Variants in ABCB5 observed in about 807,000 individuals in gnomAD.
The protein encoded by ABCB5 is ATP-binding cassette sub-family B member 5.
Under a neutral mutation model 144.2 loss-of-function variants are expected in ABCB5, and 155 were observed. The ratio of observed to expected loss-of-function variants is 1.08; its 90% CI spans 0.94 to 1.23. The LOEUF is 1.23. Ranked by LOEUF, ABCB5 falls within the 50% of genes most tolerant of loss-of-function variation. The probability of loss-of-function intolerance (pLI) is 0.00; values close to 1 mark genes in which losing one functional copy is unlikely to be tolerated. For missense variants in ABCB5, 1,830 were observed against 1,520.8 expected, an observed-to-expected ratio of 1.20 and a Z score of -3.38; for synonymous variants, 610 against 528.6, an observed-to-expected ratio of 1.15 and a Z score of -2.11.
Position 20,659,039 on chromosome 7 carries a change from T to C in ABCB5, c.1707+363T>C, listed in dbSNP as rs769130710. On this transcript the variant is annotated intron_variant, in intron 14 of 27. Transcript: ENST00000404938. ...TCTTCTACATACACCTGTGGGATTCTCTTCTCTGACCACTTTTCTTCTTTA... is the reference window on the plus strand; with the variant it reads ...TCTTCTACATACACCTGTGGGATTCCCTTCTCTGACCACTTTTCTTCTTTA... 5 of 1,610,798 alleles carry C rather than the reference T, an allele frequency of 3.1e-6. No individual in the cohort carries two copies. The Admixed American group carries it at 5.0e-5, about 16-fold the overall frequency.
At chr7:20,672,814 C>G (rs1450665625) in intron 14 of ABCB5, among the ~76,000 whole-genome samples, 1 of 151,952 alleles carries the variant, frequency 6.6e-6, no homozygotes, top group Admixed American at 6.6e-5. Context: ...TTCTTGGCAC[C>G]TTTGTAAAAA....
At chr7:20,703,284 C>T (rs1786696175) in intron 19 of ABCB5, among the ~76,000 whole-genome samples, 1 of 152,146 alleles carries the variant, frequency 6.6e-6, no homozygotes, top group Non-Finnish European at 1.5e-5. Flanking sequence ...TTCAGTTCAG[C>T]AGTGCTGTGT....
intron 9 of ABCB5, among the ~76,000 whole-genome samples, chr7:20,646,719 A>G (rs146537714): frequency 2.7e-4 from 41 of 152,346 alleles, no homozygotes; most frequent in African/African-American, 9.4e-4. Context: ...TTCAGGATTA[A>G]GAAACATTTG....
In ABCB5 at chr7:20,628,833, A is replaced by C. The variant is rs748345726; in HGVS notation, c.254A>C (p.Asn85Thr). Residue 85 changes from asparagine to threonine, a missense_variant, in exon 4 of 28, where the codon AAC becomes ACC. By Grantham distance (65) the Asn-to-Thr change is moderately conservative (BLOSUM62 0). Transcript: ENST00000404938. ...ATTAGTGGATGTCTAGTCCAAACTA[A>C]CACAAGTGAGTATACGATTATTTTT... Reference protein sequence around the residue: ...NLISGCLVQTNTTNYQNCTQS... With the variant: ...NLISGCLVQTTTTNYQNCTQS... 6.2e-7 allele frequency: 1 copy of C among 1,613,586 alleles called. No homozygotes were observed. The highest frequency in any genetic ancestry group is 8.5e-7 in the Non-Finnish European group (1 of 1,179,736).
intron 27 of ABCB5, 150 bp from the exon 28 acceptor site, chr7:20,755,277 G>A (rs1374625047): frequency 6.1e-6 from 4 of 653,946 alleles, no homozygotes; most frequent in Middle Eastern, 4.1e-4. Context: ...TTTCTATTGA[G>A]TAAGGTGATT....
chr7:20,711,840 CTTTCTTTT>C (rs1787067850), intron 20 of ABCB5, among the ~76,000 whole-genome samples: 10 of 54,748 alleles, frequency 1.8e-4, no homozygotes, highest in African/African-American at 1.5e-3. Flanking sequence ...TTCTTTCTTT[CTTTCTTTT>C]CTTTCTTTCT....
At position 20,740,193 on chromosome 7, in the gene ABCB5, T is replaced by A. The variant is rs1322223077; in HGVS notation, c.3024+1054T>A. On this transcript the variant is annotated intron_variant, in intron 24 of 27. Coordinates refer to ENST00000404938, the MANE Select transcript of ABCB5 (RefSeq NM_001163941.2). ...AGGCGGAGGTTGCAGTGAGCCGAGA[T>A]CACGCCACTGCACCCCAGCTTGGGC... Among the ~76,000 whole-genome samples the A allele has an allele frequency of 2.0e-5, 3 of 152,128 alleles. No homozygotes were observed. In the East Asian group the frequency reaches 5.8e-4, roughly 29 times the overall value.
intron 21 of ABCB5, among the ~76,000 whole-genome samples, chr7:20,726,668 C>A (rs1049595952): frequency 5.9e-4 from 90 of 152,010 alleles, no homozygotes; most frequent in African/African-American, 2.0e-3. Context: ...TGCCTAGCAT[C>A]TGCTATCTTT....
intron 19 of ABCB5, among the ~76,000 whole-genome samples, chr7:20,702,200 G>T (rs1786652455): frequency 6.6e-6 from 1 of 152,206 alleles, no homozygotes; most frequent in Admixed American, 6.5e-5. Flanking sequence ...GTCGTTCATT[G>T]TGTTTCAAAG....
chr7:20,651,346 T>C, intron 12 of ABCB5, 74 bp from the exon 13 acceptor site: 2 of 1,332,890 alleles, frequency 1.5e-6, no homozygotes, highest in South Asian at 1.3e-5. Flanking sequence ...GCTTATATTT[T>C]GGTCTAGTAT....
intron 19 of ABCB5, among the ~76,000 whole-genome samples, chr7:20,700,473 A>G (rs1583434828): frequency 6.6e-6 from 1 of 152,234 alleles, no homozygotes; most frequent in African/African-American, 2.4e-5. Flanking sequence ...AAGAGCTACC[A>G]TATCTTGGGA....
intron 4 of ABCB5, 65 bp from the exon 5 acceptor site, chr7:20,631,994 T>C (rs1784050190): frequency 9.5e-7 from 1 of 1,057,614 alleles, no homozygotes; most frequent in Non-Finnish European, 1.3e-6. Flanking sequence ...TGGAGGGCTA[T>C]CTGTGTAACA....
intron 14 of ABCB5, among the ~76,000 whole-genome samples, chr7:20,665,768 G>GATAC (rs67828264): frequency 0.22 from 28,025 of 124,582 alleles, 3,594 homozygotes; most frequent in East Asian, 0.4. Context: ...GATAGATAGA[G>GATAC]ATACATACAT....
chr7:20,727,262 A>G lies in ABCB5; in HGVS notation c.2726+122A>G, dbSNP rs557648746. The G allele has an allele frequency of 1.4e-5, 8 of 576,588 alleles. No individual in the cohort carries two copies. The East Asian group carries it at 1.9e-4, about 13-fold the overall frequency. The allele number at this position is 576,588 out of a possible 1,614,324, so 35.7% of individuals were successfully genotyped here. A position where few individuals can be genotyped will look rare whatever the true frequency, so the allele number is the denominator to read the frequency against. ...CTCTTGAGCCTTTCCTAATAATGTC[A>G]TGTCATAATTTCTCATATGACTTCA... On this transcript the variant is annotated intron_variant, in intron 22 of 27. Coordinates refer to ENST00000404938, the MANE Select transcript of ABCB5 (RefSeq NM_001163941.2).
At chr7:20,750,720 G>C (rs1291207052) in intron 26 of ABCB5, among the ~76,000 whole-genome samples, 3 of 152,068 alleles carry the variant, frequency 2.0e-5, no homozygotes, top group African/African-American at 7.2e-5. Context: ...TAACTCCAAC[G>C]GTTTCGGTAA....
chr7:20,635,892 C>A (rs1345381777), intron 5 of ABCB5, among the ~76,000 whole-genome samples: 39 of 151,996 alleles, frequency 2.6e-4, no homozygotes, highest in Non-Finnish European at 1.5e-5. Context: ...CCTTTTATTT[C>A]TTTCTGTTGC....
intron 12 of ABCB5, 119 bp from the exon 13 acceptor site, chr7:20,651,301 G>A (rs1344620193): frequency 4.6e-6 from 4 of 871,004 alleles, no homozygotes; most frequent in Non-Finnish European, 7.0e-6. Flanking sequence ...TCAAAATATA[G>A]TCAGTCTTTG....
chr7:20,710,001 G>GGAGGCAGAGGTT (rs1786969620), intron 20 of ABCB5, among the ~76,000 whole-genome samples: 1 of 148,296 alleles, frequency 6.7e-6, no homozygotes, highest in African/African-American at 2.5e-5. Context: ...CTTGAACCCG[G>GGAGGCAGAGGTT]GAGGTGGAGG....
intron 13 of ABCB5, among the ~76,000 whole-genome samples, chr7:20,653,742 G>C (rs975993829): frequency 6.6e-6 from 1 of 152,218 alleles, no homozygotes; most frequent in Admixed American, 6.5e-5. Flanking sequence ...AGCCCAGTCT[G>C]TATGGGCATC....
Sources: gnomAD v4.1 joint callset for allele counts (sites outside exome capture counted in the v4.1 genomes callset) on GRCh38, gnomAD v4.1.1 for gene constraint, MANE v1.5 for transcripts, NCBI Gene and HGNC (gene_info 2026-07-23, HGNC 2026-07-21) for gene names.